Variants in CHODL observed in about 807,000 individuals in gnomAD.
The protein encoded by CHODL is chondrolectin.
A neutral mutation model predicts 34.5 loss-of-function variants in CHODL; 29 were observed. That is an observed-to-expected ratio of 0.84 (90% CI 0.63 to 1.15). The LOEUF is 1.15. Ranked by LOEUF, CHODL falls within the 50% of genes most tolerant of loss-of-function variation. The pLI, the probability that CHODL is intolerant of heterozygous loss-of-function variation, is 0.00. For synonymous variants in CHODL, 125 were observed against 116.1 expected (o/e 1.08, Z -0.49); for missense variants, 332 against 332.5 (o/e 1.00, Z 0.01).
intron 2 of CHODL, among the ~76,000 whole-genome samples, chr21:18,125,383 A>G (rs1375519660): frequency 6.6e-6 from 1 of 152,182 alleles, no homozygotes; most frequent in Non-Finnish European, 1.5e-5. Flanking sequence ...CTTCATTCAC[A>G]TCTTACTCCA....
intron 2 of CHODL, among the ~76,000 whole-genome samples, chr21:18,052,197 C>G (rs1450789243): frequency 5.9e-5 from 9 of 151,952 alleles, no homozygotes; most frequent in African/African-American, 2.2e-4. Context: ...TCTTCATTTA[C>G]TCACATTAGG....
chr21:18,007,074 T>C (rs2063967725), intron 1 of CHODL, among the ~76,000 whole-genome samples: 1 of 152,146 alleles, frequency 6.6e-6, no homozygotes, highest in Admixed American at 6.5e-5. Context: ...CAGATTTCTA[T>C]AGCAAATGTG....
chr21:18,239,776 A>T (rs779029764), intron 2 of CHODL, among the ~76,000 whole-genome samples: 6 of 151,718 alleles, frequency 4.0e-5, no homozygotes, highest in African/African-American at 1.5e-4. Context: ...TGGATTTTTC[A>T]TTTTTTGTGG....
At chr21:18,234,916 A>T (rs192937565) in intron 2 of CHODL, among the ~76,000 whole-genome samples, 1 of 152,148 alleles carries the variant, frequency 6.6e-6, no homozygotes, top group African/African-American at 2.4e-5. Context: ...CAGAAGGTAG[A>T]TTTTCTTCAA....
At chr21:18,250,767 A>G (rs1048902532) in intron 1 of CHODL, among the ~76,000 whole-genome samples, 16 of 151,826 alleles carry the variant, frequency 1.1e-4, no homozygotes, top group African/African-American at 3.1e-4. Context: ...TATGAAAAAG[A>G]AAAAAATATC....
chr21:17,938,676 C>T (rs1019357830), intron 1 of CHODL, among the ~76,000 whole-genome samples: 6 of 151,944 alleles, frequency 3.9e-5, no homozygotes, highest in Non-Finnish European at 5.9e-5. Flanking sequence ...GACGGGGTTT[C>T]ACGGTGTTAG....
chr21:17,977,213 G>T (rs534010103), intron 1 of CHODL, among the ~76,000 whole-genome samples: 3 of 152,136 alleles, frequency 2.0e-5, no homozygotes, highest in Non-Finnish European at 2.9e-5. Flanking sequence ...AATTTCTCAT[G>T]TTGTTTGCCC....
At chr21:18,136,124 A>G (rs1233577244) in intron 2 of CHODL, among the ~76,000 whole-genome samples, 1 of 134,718 alleles carries the variant, frequency 7.4e-6, no homozygotes, top group East Asian at 2.0e-4. Context: ...AAAAAGAAAA[A>G]GAAAAAAAAG....
intron 1 of CHODL, among the ~76,000 whole-genome samples, chr21:17,928,315 T>TA (rs1359001008): frequency 2.0e-5 from 3 of 152,080 alleles, no homozygotes; most frequent in African/African-American, 7.2e-5. Context: ...GAAGGTACAG[T>TA]ATAGATCATT....
intron 2 of CHODL, among the ~76,000 whole-genome samples, chr21:18,114,506 G>T (rs763954877): frequency 1.3e-5 from 2 of 152,114 alleles, no homozygotes; most frequent in Non-Finnish European, 1.5e-5. Flanking sequence ...AGGCTGGAGT[G>T]CAATGGTGCG....
intron 2 of CHODL, among the ~76,000 whole-genome samples, chr21:18,031,516 C>T (rs1258835868): frequency 6.6e-6 from 1 of 151,846 alleles, no homozygotes; most frequent in Non-Finnish European, 1.5e-5. Context: ...CTTTATTTGC[C>T]AAAATTATGA....
At chr21:18,015,595 C>A (rs990525263) in intron 1 of CHODL, among the ~76,000 whole-genome samples, 6 of 152,078 alleles carry the variant, frequency 3.9e-5, no homozygotes, top group South Asian at 2.1e-4. Context: ...GAGGGTTGAA[C>A]AACTTGAGGG....
At chr21:18,207,801 G>A (rs1384108044) in intron 2 of CHODL, among the ~76,000 whole-genome samples, 1 of 151,352 alleles carries the variant, frequency 6.6e-6, no homozygotes, top group South Asian at 2.1e-4. Flanking sequence ...CTCCTGGCCT[G>A]TAAGGAAAAG....
intron 2 of CHODL, among the ~76,000 whole-genome samples, chr21:18,157,039 C>T (rs917594202): frequency 1.3e-5 from 2 of 152,120 alleles, no homozygotes; most frequent in Admixed American, 6.5e-5. Context: ...AGTGTTGCGG[C>T]GAAGAAGGCA....
intron 2 of CHODL, among the ~76,000 whole-genome samples, chr21:18,156,837 G>C (rs1351586139): frequency 6.6e-6 from 1 of 152,186 alleles, no homozygotes; most frequent in Non-Finnish European, 1.5e-5. Flanking sequence ...CCTTCAGTTA[G>C]AAGATTCGAT....
At position 18,086,430 on chromosome 21, in the gene CHODL, C is replaced by T. The variant is rs185075873; in HGVS notation, c.-45+58459C>T. ...GGTAGTGTCATATTTCTCTTTTTTT[C>T]ATGTTTTCTGTATTCTTCCATTGAT... On this transcript the variant is annotated intron_variant, in intron 2 of 6. Coordinates refer to the CHODL transcript ENST00000400127. 5.3e-5 allele frequency among the ~76,000 whole-genome samples: 8 copies of T among 151,780 alleles called. 1 individual carries two copies. Among genetic ancestry groups the T allele is most frequent in the Admixed American group, 3.3e-4 (5 of 15,242 alleles).
intron 2 of CHODL, among the ~76,000 whole-genome samples, chr21:18,031,097 G>A (rs371187207): frequency 3.9e-5 from 6 of 152,030 alleles, no homozygotes; most frequent in African/African-American, 1.2e-4. Flanking sequence ...GTTCATAATG[G>A]CTCTTATATG....
At chr21:17,946,555 T>A (rs2063411077) in intron 1 of CHODL, among the ~76,000 whole-genome samples, 1 of 152,242 alleles carries the variant, frequency 6.6e-6, no homozygotes, top group African/African-American at 2.4e-5. Flanking sequence ...TCCTTTAGAT[T>A]TATTAATATT....
chr21:18,211,476 A>G (rs1490960841), intron 2 of CHODL, among the ~76,000 whole-genome samples: 1 of 152,214 alleles, frequency 6.6e-6, no homozygotes, highest in Non-Finnish European at 1.5e-5. Flanking sequence ...AAAAGTTAGC[A>G]TCAGAATCTC....
Sources: gnomAD v4.1 joint callset for allele counts (sites outside exome capture counted in the v4.1 genomes callset) on GRCh38, gnomAD v4.1.1 for gene constraint, MANE v1.5 for transcripts, NCBI Gene and HGNC (gene_info 2026-07-23, HGNC 2026-07-21) for gene names.